OPCML: variants seen among roughly 807,000 people sequenced by gnomAD.
OPCML encodes the protein opioid-binding protein/cell adhesion molecule.
OPCML carries 13 observed loss-of-function variants against 37.8 expected under a neutral mutation model. The observed-to-expected ratio is 0.34, with a 90% CI of 0.22 to 0.55. The LOEUF is 0.55. Among genes scored for constraint, OPCML ranks in the 20% least tolerant of loss-of-function variants. OPCML has a pLI of 0.91. For missense variants in OPCML, 341 were observed against 435.6 expected (o/e 0.78, Z 1.93); for synonymous variants, 176 against 168.8 (o/e 1.04, Z -0.33).
intron 1 of OPCML, among the ~76,000 whole-genome samples, chr11:133,017,304 G>A (rs1947352000): frequency 6.6e-6 from 1 of 152,056 alleles, no homozygotes; most frequent in Non-Finnish European, 1.5e-5. Context: ...GTGATATCTG[G>A]GGGAATACAG....
At chr11:133,200,988 G>T (rs1227335601) in intron 1 of OPCML, among the ~76,000 whole-genome samples, 1 of 152,178 alleles carries the variant, frequency 6.6e-6, no homozygotes, top group East Asian at 1.9e-4. Context: ...AGAAACATGG[G>T]TTTAGCTGGA....
intron 2 of OPCML, among the ~76,000 whole-genome samples, chr11:132,780,338 C>T (rs988330613): frequency 3.3e-5 from 5 of 152,190 alleles, no homozygotes; most frequent in Non-Finnish European, 4.4e-5. Context: ...GTAGTGCCAA[C>T]GGTAGGAAGA....
At chr11:132,844,197 A>T (rs1941421278) in intron 2 of OPCML, among the ~76,000 whole-genome samples, 6 of 152,078 alleles carry the variant, frequency 3.9e-5, no homozygotes, top group Admixed American at 3.3e-4. Context: ...ATCCAGCTAA[A>T]CCTTTTTATT....
chr11:133,044,537 G>A (rs902821905), intron 1 of OPCML, among the ~76,000 whole-genome samples: 4 of 152,178 alleles, frequency 2.6e-5, no homozygotes, highest in Non-Finnish European at 4.4e-5. Context: ...GGCCGAGGGC[G>A]AGCAGCCAGA....
At chr11:133,441,266 A>G (rs530009597) in intron 1 of OPCML, among the ~76,000 whole-genome samples, 1 of 152,218 alleles carries the variant, frequency 6.6e-6, no homozygotes, top group East Asian at 1.9e-4. Flanking sequence ...GAAAAAGAAA[A>G]AAATGGTAGG....
At chr11:133,162,849 T>C (rs1950163397) in intron 1 of OPCML, among the ~76,000 whole-genome samples, 1 of 152,044 alleles carries the variant, frequency 6.6e-6, no homozygotes, top group South Asian at 2.1e-4. Flanking sequence ...AACCAAGAAA[T>C]CCTTCATAGT....
At chr11:132,457,366 T>C (rs2096086172) in intron 4 of OPCML, among the ~76,000 whole-genome samples, 1 of 152,022 alleles carries the variant, frequency 6.6e-6, no homozygotes, top group Non-Finnish European at 1.5e-5. Context: ...TACAATAGAG[T>C]TGTTCAGAAA....
intron 1 of OPCML, chr11:133,301,308 G>A (rs372334221): frequency 5.3e-5 from 8 of 152,182 alleles, no homozygotes; most frequent in African/African-American, 9.7e-5. Context: ...AGAGGAAAAA[G>A]TCTGTCATTT....
intron 3 of OPCML, among the ~76,000 whole-genome samples, chr11:132,584,728 T>C (rs1334518300): frequency 1.3e-5 from 2 of 152,098 alleles, no homozygotes; most frequent in African/African-American, 4.8e-5. Flanking sequence ...CAGGTAACAG[T>C]TGTAAAATAA....
chr11:132,744,568 C>T (rs60940332), intron 2 of OPCML, among the ~76,000 whole-genome samples: 5,638 of 152,186 alleles, frequency 0.037, 217 homozygotes, highest in African/African-American at 0.099. Flanking sequence ...CTCATCTGTT[C>T]GGAAGACCCT....
chr11:133,239,336 A>G (rs995000495), intron 1 of OPCML, among the ~76,000 whole-genome samples: 2 of 152,228 alleles, frequency 1.3e-5, no homozygotes, highest in African/African-American at 2.4e-5. Flanking sequence ...CTCTTAAATT[A>G]GGTGTTCAGT....
intron 1 of OPCML, among the ~76,000 whole-genome samples, chr11:133,123,608 A>T (rs1449699658): frequency 2.6e-5 from 4 of 152,044 alleles, no homozygotes; most frequent in Non-Finnish European, 2.9e-5. Context: ...TCAGCCCGGC[A>T]TGCTTGGAGG....
chr11:133,203,919 A>T (rs1183261494), intron 1 of OPCML, among the ~76,000 whole-genome samples: 1 of 151,840 alleles, frequency 6.6e-6, no homozygotes, highest in Non-Finnish European at 1.5e-5. Flanking sequence ...TTAGCCAGGC[A>T]TGGTGGTGGG....
At chr11:132,936,598 GTAGTGGCGCTAGGTA>G (rs1565352527) in intron 2 of OPCML, among the ~76,000 whole-genome samples, 1 of 152,068 alleles carries the variant, frequency 6.6e-6, no homozygotes, top group Non-Finnish European at 1.5e-5. Context: ...GTATTATCCT[GTAGTGGCGCTAGGTA>G]CAGACAGTTC....
intron 1 of OPCML, among the ~76,000 whole-genome samples, chr11:132,982,771 G>A (rs891690187): frequency 9.9e-5 from 15 of 152,184 alleles, no homozygotes; most frequent in East Asian, 5.8e-4. Flanking sequence ...TATTAAACTC[G>A]GATATTTTCA....
intron 2 of OPCML, among the ~76,000 whole-genome samples, chr11:132,838,061 A>C (rs1473413447): frequency 6.6e-6 from 1 of 152,150 alleles, no homozygotes; most frequent in Non-Finnish European, 1.5e-5. Flanking sequence ...TGCCCTACTA[A>C]TTTGTATACA....
At chr11:132,906,289 T>C (rs1001723268) in intron 2 of OPCML, among the ~76,000 whole-genome samples, 2 of 152,222 alleles carry the variant, frequency 1.3e-5, no homozygotes, top group African/African-American at 4.8e-5. Context: ...CAATCAGTAT[T>C]AAAAATGTAT....
At position 132,732,403 on chromosome 11, in the gene OPCML, G is replaced by A. The variant is rs139233059; in HGVS notation, c.147-75084C>T. 4.3e-3 allele frequency among the ~76,000 whole-genome samples: 649 copies of A among 152,310 alleles called. 2 individuals carry two copies. The highest frequency in any genetic ancestry group is 0.014 in the Middle Eastern group (4 of 292). ...GTTGTTAAGGGAGAAAGGGGTTATA[G>A]ACAAAGTAGTAAATGGGGAGGTATT... On this transcript the variant is annotated intron_variant, in intron 2 of 7. Transcript: ENST00000524381.
intron 2 of OPCML, among the ~76,000 whole-genome samples, chr11:132,900,956 G>A (rs1796671086): frequency 6.6e-6 from 1 of 152,136 alleles, no homozygotes; most frequent in Non-Finnish European, 1.5e-5. Flanking sequence ...ACTTTGGGAT[G>A]CCAAGGCAGG....
Sources: gnomAD v4.1 joint callset for allele counts (sites outside exome capture counted in the v4.1 genomes callset) on GRCh38, gnomAD v4.1.1 for gene constraint, MANE v1.5 for transcripts, NCBI Gene and HGNC (gene_info 2026-07-23, HGNC 2026-07-21) for gene names.